KCNQ1: variants seen among roughly 807,000 people sequenced by gnomAD.
The protein encoded by KCNQ1 is potassium voltage-gated channel subfamily Q member 1, also known as potassium voltage-gated channel subfamily KQT member 1.
Under a neutral mutation model 72.4 loss-of-function variants are expected in KCNQ1, and 49 were observed. The observed-to-expected ratio is 0.68, with a 90% CI of 0.54 to 0.86. The LOEUF (loss-of-function observed/expected upper bound fraction) is 0.86, where lower values mean the gene tolerates loss of function less well. Ranked by LOEUF, KCNQ1 falls within the 40% of genes least tolerant of loss-of-function variation. KCNQ1 has a pLI of 0.00. For synonymous variants in KCNQ1, 450 were observed against 412.6 expected, an observed-to-expected ratio of 1.09 and a Z score of -1.10; for missense variants, 790 against 945.1, an observed-to-expected ratio of 0.84 and a Z score of 2.15.
intron 12 of KCNQ1, among the ~76,000 whole-genome samples, chr11:2,770,324 G>C (rs1164153829): frequency 6.6e-6 from 1 of 152,212 alleles, no homozygotes; most frequent in East Asian, 1.9e-4. Flanking sequence ...AGGGGAATGA[G>C]AGCCTAAGGG....
chr11:2,561,110 T>G (rs7944551), intron 2 of KCNQ1, among the ~76,000 whole-genome samples: 68,528 of 148,022 alleles, frequency 0.46, 16,700 homozygotes, highest in African/African-American at 0.63. Flanking sequence ...GCTGAGGCAG[T>G]AGAATGGTGT....
At position 2,599,665 on chromosome 11, in the gene KCNQ1, T is replaced by TC. The variant is rs1211836545; in HGVS notation, c.1393+10814dup. On this transcript the variant is annotated intron_variant, in intron 10 of 15. Transcript: ENST00000155840. This position sits in a 1 kb window ranked among gnomAD's most constrained non-coding sequence, Gnocchi z 4.7. ...GATCAAGGTGTCAGCAAGGCTGCTT[T>TC]CCCTGAGGCCTCTTTCCTTGCCTTG... Among the ~76,000 whole-genome samples, 1 of 152,202 alleles carries TC rather than the reference T, an allele frequency of 6.6e-6. No individual in the cohort carries two copies. The highest frequency in any genetic ancestry group is 1.5e-5 in the Non-Finnish European group (1 of 68,026).
In KCNQ1 at chr11:2,762,829, AGT is replaced by A. The variant is rs901806486; in HGVS notation, c.1515-6012_1515-6011del. ...CCCACCCCACCCCGTCCACGGAAAA[AGT>A]GTCTTCCACGAAACTGGTCCCTGGT... On this transcript the variant is annotated intron_variant, in intron 11 of 15. Coordinates refer to ENST00000155840, the MANE Select transcript of KCNQ1 (RefSeq NM_000218.3). This position sits in a 1 kb window ranked among gnomAD's most constrained non-coding sequence, Gnocchi z 4.3. 3.9e-5 allele frequency among the ~76,000 whole-genome samples: 6 copies of A among 152,148 alleles called. No individual in the cohort carries two copies. The highest frequency in any genetic ancestry group is 2.6e-4 in the Admixed American group (4 of 15,272).
At chr11:2,614,947 T>G (rs1849037298) in intron 10 of KCNQ1, 1 of 398,364 alleles carries the variant, frequency 2.5e-6, no homozygotes, top group South Asian at 1.3e-4. Flanking sequence ...CTTGGGATTT[T>G]GATAAGGGTT....
rs1339970652 is a variant in KCNQ1, at chr11:2,653,149, CA to C, written c.1394-8810del. 1 of 398,604 alleles carries C rather than the reference CA, an allele frequency of 2.5e-6. No individual in the cohort carries two copies. Among genetic ancestry groups the C allele is most frequent in the African/African-American group, 2.1e-5 (1 of 48,638 alleles). The allele number at this position is 398,604 out of a possible 1,614,324, so 24.7% of individuals were successfully genotyped here. A position where few individuals can be genotyped will look rare whatever the true frequency, so the allele number is the denominator to read the frequency against. ...GACTTGCATCACAGCAGTAGAAAGCCAATGTCCCACCTTAGGAAATCCCTTT... is the reference window on the plus strand; with the variant it reads ...GACTTGCATCACAGCAGTAGAAAGCCATGTCCCACCTTAGGAAATCCCTTT... On this transcript the variant is annotated intron_variant, in intron 10 of 15. Coordinates refer to ENST00000155840, the MANE Select transcript of KCNQ1 (RefSeq NM_000218.3). The surrounding 1 kb of genome is among the most constrained non-coding windows in gnomAD (Gnocchi z 5.3).
chr11:2,629,151 G>C lies in KCNQ1; in HGVS notation c.1394-32810G>C, dbSNP rs565154610. 13 of 398,054 alleles carry C rather than the reference G, an allele frequency of 3.3e-5. No homozygotes were observed. In the South Asian group the frequency reaches 1.7e-3, roughly 51 times the overall value. The allele number at this position is 398,054 out of a possible 1,614,324, so 24.7% of individuals were successfully genotyped here. ...AAAAAAGTCACTGGAAATTTGATAG[G>C]CATTGCCTTGAATCTGTAGATCACT... On this transcript the variant is annotated intron_variant, in intron 10 of 15. Coordinates refer to ENST00000155840, the MANE Select transcript of KCNQ1 (RefSeq NM_000218.3).
intron 10 of KCNQ1, chr11:2,616,934 T>G (rs531370478): frequency 2.5e-6 from 1 of 397,262 alleles, no homozygotes; most frequent in Non-Finnish European, 4.4e-6. Flanking sequence ...CTTATTGGGC[T>G]TCTGTCTGGC....
rs1353753040 is a variant in KCNQ1 at position 2,808,604 on chromosome 11, A to G, written c.1794+30567A>G. On this transcript the variant is annotated intron_variant, in intron 15 of 15. Coordinates refer to ENST00000155840, the MANE Select transcript of KCNQ1 (RefSeq NM_000218.3). The surrounding 1 kb of genome is among the most constrained non-coding windows in gnomAD (Gnocchi z 6.0). ...GGTAGGTTGGTTGATTGAGTGATTG[A>G]TTGATTGATAATCTTGGTTCTATTT... Among the ~76,000 whole-genome samples, 2 of 152,174 alleles carry G rather than the reference A, an allele frequency of 1.3e-5. 1 individual carries two copies. The highest frequency in any genetic ancestry group is 1.3e-4 in the Admixed American group (2 of 15,282).
At chr11:2,524,460 A>T (rs1212277741) in intron 1 of KCNQ1, among the ~76,000 whole-genome samples, 1 of 152,168 alleles carries the variant, frequency 6.6e-6, no homozygotes, top group African/African-American at 2.4e-5. Context: ...GTGATGTCAC[A>T]GTCTGGCAGG....
rs780637677 is a variant in KCNQ1, at chr11:2,674,681, GT to G, written c.1514+12602del. On this transcript the variant is annotated intron_variant, in intron 11 of 15. Coordinates refer to ENST00000155840, the MANE Select transcript of KCNQ1 (RefSeq NM_000218.3). The surrounding 1 kb of genome is among the most constrained non-coding windows in gnomAD (Gnocchi z 5.9). ...TTTTGCAAAATAATTTGAAAAGTTTGTTGAACCTTAAACCTTTCCTGATGAC... is the reference window on the plus strand; with the variant it reads ...TTTTGCAAAATAATTTGAAAAGTTTGTGAACCTTAAACCTTTCCTGATGAC... 3.3e-4 allele frequency: 130 copies of G among 398,380 alleles called. No homozygotes were observed. Among genetic ancestry groups the G allele is most frequent in the Admixed American group, 4.4e-5 (1 of 22,708 alleles). The allele number at this position is 398,380 out of a possible 1,614,324, so 24.7% of individuals were successfully genotyped here.
At chr11:2,496,512 T>TTTTTTTTTG (rs1846922577) in intron 1 of KCNQ1, among the ~76,000 whole-genome samples, 1 of 124,190 alleles carries the variant, frequency 8.1e-6, no homozygotes, top group African/African-American at 2.9e-5. Flanking sequence ...TTTTTTTTTT[T>TTTTTTTTTG]TTTTTTTTGC....
In KCNQ1 at chr11:2,483,527, A is replaced by T. The variant is rs1846687622; in HGVS notation, c.386+38043A>T. 6.6e-6 allele frequency among the ~76,000 whole-genome samples: 1 copy of T among 152,142 alleles called. No homozygotes were observed. The highest frequency in any genetic ancestry group is 1.9e-4 in the East Asian group (1 of 5,186). ...GATCCCCACGTTGCTTTCAGCTGCC[A>T]GGTCTCCTTTCGTGTCCTGCAGCCT... is the stretch of plus-strand genomic sequence containing the variant. On this transcript the variant is annotated intron_variant, in intron 1 of 15. Transcript: ENST00000155840. This position sits in a 1 kb window ranked among gnomAD's most constrained non-coding sequence, Gnocchi z 6.1.
chr11:2,676,250 A>G lies in KCNQ1; in HGVS notation c.1514+14169A>G. ...GATTTATTATGGTGCAGTACATCTG[A>G]GAAGCATTTTTATTGCAAAATGTGT... is the stretch of plus-strand genomic sequence containing the variant. On this transcript the variant is annotated intron_variant, in intron 11 of 15. Transcript: ENST00000155840. The surrounding 1 kb of genome is among the most constrained non-coding windows in gnomAD (Gnocchi z 4.2). 1 of 398,654 alleles carries G rather than the reference A, an allele frequency of 2.5e-6. No individual in the cohort carries two copies. The highest frequency in any genetic ancestry group is 1.3e-4 in the South Asian group (1 of 7,860). The allele number at this position is 398,654 out of a possible 1,614,324, so 24.7% of individuals were successfully genotyped here.
rs571558164 is a variant in KCNQ1, at chr11:2,452,363, C to T, written c.386+6879C>T. Among the ~76,000 whole-genome samples, 464 of 152,280 alleles carry T rather than the reference C, an allele frequency of 3.0e-3. 2 individuals are homozygous for T. The highest frequency in any genetic ancestry group is 0.011 in the African/African-American group (437 of 41,536). Reference sequence around the variant, plus strand: ...AATGCTCCTCTGCATGGAGACAGCCCAGCTGCACTGGGACCCCTCACCCCA... The same window carrying T: ...AATGCTCCTCTGCATGGAGACAGCCTAGCTGCACTGGGACCCCTCACCCCA... On this transcript the variant is annotated intron_variant, in intron 1 of 15. Transcript: ENST00000155840.
In KCNQ1 at chr11:2,608,470, ATTCCTTT is replaced by A. The variant is rs1848917867; in HGVS notation, c.1393+19625_1393+19631del. The A allele has an allele frequency of 2.5e-6, 1 of 398,326 alleles. No homozygotes were observed. Among genetic ancestry groups the A allele is most frequent in the Non-Finnish European group, 4.4e-6 (1 of 225,978 alleles). The allele number at this position is 398,326 out of a possible 1,614,324, so 24.7% of individuals were successfully genotyped here. A position where few individuals can be genotyped will look rare whatever the true frequency, so the allele number is the denominator to read the frequency against. ...GGTTGGTAGTATACTTCCCTCATTC[ATTCCTTT>A]TTCCTTTTCTTTTTGAGAAACAGAG... On this transcript the variant is annotated intron_variant, in intron 10 of 15. Transcript: ENST00000155840. This position sits in a 1 kb window ranked among gnomAD's most constrained non-coding sequence, Gnocchi z 4.6.
intron 2 of KCNQ1, among the ~76,000 whole-genome samples, chr11:2,548,033 C>A (rs993892287): frequency 6.6e-6 from 1 of 151,984 alleles, no homozygotes; most frequent in Non-Finnish European, 1.5e-5. Flanking sequence ...GGGCTTGGGG[C>A]GACTCTGGGG....
chr11:2,793,827 C>G (rs1847080037), intron 15 of KCNQ1, among the ~76,000 whole-genome samples: 1 of 152,162 alleles, frequency 6.6e-6, no homozygotes, highest in Admixed American at 6.5e-5. Flanking sequence ...GAATGTACAG[C>G]CCCATGGCTG....
Position 2,715,598 on chromosome 11 carries a change from G to A in KCNQ1, c.1515-53246G>A, listed in dbSNP as rs1851079853. Among the ~76,000 whole-genome samples the A allele has an allele frequency of 1.3e-5, 2 of 152,226 alleles. No homozygotes were observed. The highest frequency in any genetic ancestry group is 1.9e-4 in the East Asian group (1 of 5,162). ...TCCACCACCCCTGCTGGGGTCCCCT[G>A]GGACCCATCCTTCCAAGCCCCTGCC... On this transcript the variant is annotated intron_variant, in intron 11 of 15. Coordinates refer to ENST00000155840, the MANE Select transcript of KCNQ1 (RefSeq NM_000218.3). The surrounding 1 kb of genome is among the most constrained non-coding windows in gnomAD (Gnocchi z 4.9).
chr11:2,668,308 G>A lies in KCNQ1; in HGVS notation c.1514+6227G>A, dbSNP rs1850119955. 2.5e-6 allele frequency: 1 copy of A among 398,580 alleles called. No homozygotes were observed. Among genetic ancestry groups the A allele is most frequent in the East Asian group, 3.6e-5 (1 of 28,074 alleles). The allele number at this position is 398,580 out of a possible 1,614,324, so 24.7% of individuals were successfully genotyped here. A position where few individuals can be genotyped will look rare whatever the true frequency, so the allele number is the denominator to read the frequency against. ...TTGGTGAGCATCAGGTTGCGTTTCT[G>A]GGGAATATATGCCTATGTGTGGAGC... On this transcript the variant is annotated intron_variant, in intron 11 of 15. Coordinates refer to ENST00000155840, the MANE Select transcript of KCNQ1 (RefSeq NM_000218.3). This position sits in a 1 kb window ranked among gnomAD's most constrained non-coding sequence, Gnocchi z 4.3.
Sources: gnomAD v4.1 joint callset for allele counts (sites outside exome capture counted in the v4.1 genomes callset) on GRCh38, gnomAD v4.1.1 for gene constraint, Gnocchi (gnomAD v3.1) non-coding constraint, MANE v1.5 for transcripts, NCBI Gene and HGNC (gene_info 2026-07-23, HGNC 2026-07-21) for gene names.